CSNK1G3: variants seen among roughly 807,000 people sequenced by gnomAD.
CSNK1G3 encodes casein kinase I isoform gamma-3.
CSNK1G3 carries 23 observed loss-of-function variants against 64.3 expected under a neutral mutation model. That is an observed-to-expected ratio of 0.36 (90% CI 0.26 to 0.51). The LOEUF is 0.51. Ranked by LOEUF, CSNK1G3 falls within the 20% of genes least tolerant of loss-of-function variation. The pLI is 0.96. For synonymous variants in CSNK1G3, 158 were observed against 162.2 expected, an observed-to-expected ratio of 0.97 and a Z score of 0.20; for missense variants, 357 against 510.5, an observed-to-expected ratio of 0.70 and a Z score of 2.90.
chr5:123,593,202 T>TACAC (rs1554081831), intron 10 of CSNK1G3, among the ~76,000 whole-genome samples: 42,768 of 146,546 alleles, frequency 0.29, 6,169 homozygotes, highest in Middle Eastern at 0.31. Context: ...TGTGTATATA[T>TACAC]ACACACACAC....
exon 13 of CSNK1G3, chr5:123,616,323 T>C (rs1432224345): frequency 6.6e-6 from 1 of 152,618 alleles, no homozygotes; most frequent in Non-Finnish European, 1.5e-5. Context: ...TATTTGTAAA[T>C]ACATGCGAAT....
intron 5 of CSNK1G3, among the ~76,000 whole-genome samples, chr5:123,574,600 C>A (rs1398390914): frequency 6.6e-6 from 1 of 151,672 alleles, no homozygotes; most frequent in Admixed American, 6.6e-5. Context: ...GCTAGAGGAT[C>A]ACTTGAGCCC....
chr5:123,603,287 G>A (rs1479294632), intron 10 of CSNK1G3, among the ~76,000 whole-genome samples: 1 of 151,882 alleles, frequency 6.6e-6, no homozygotes, highest in African/African-American at 2.4e-5. Flanking sequence ...TTTCCAAAAA[G>A]TTTAGTGATA....
At chr5:123,588,025 ACT>A (rs748615733) in intron 6 of CSNK1G3, 41 bp from the exon 7 acceptor site, 3 of 1,258,362 alleles carry the variant, frequency 2.4e-6, no homozygotes, top group Non-Finnish European at 2.3e-6. Flanking sequence ...TCCATTCTTA[ACT>A]GTTAGAGAAA....
At chr5:123,558,036 A>T (rs1784953028) in intron 4 of CSNK1G3, among the ~76,000 whole-genome samples, 1 of 152,186 alleles carries the variant, frequency 6.6e-6, no homozygotes, top group African/African-American at 2.4e-5. Context: ...GGACATTTAC[A>T]CACACAGAAA....
At chr5:123,519,556 A>G (rs139119653) in intron 1 of CSNK1G3, among the ~76,000 whole-genome samples, 1 of 152,240 alleles carries the variant, frequency 6.6e-6, no homozygotes, top group Non-Finnish European at 1.5e-5. Flanking sequence ...CTCACCATGA[A>G]GTTGCCCATA....
rs113617199 is a variant in CSNK1G3 at position 123,580,713 on chromosome 5, A to G, written c.673+4750A>G. Among the ~76,000 whole-genome samples, 185 of 152,054 alleles carry G rather than the reference A, an allele frequency of 1.2e-3. 1 individual carries two copies. Among genetic ancestry groups the G allele is most frequent in the Middle Eastern group, 3.4e-3 (1 of 294 alleles). On this transcript the variant is annotated intron_variant, in intron 6 of 12. Coordinates refer to ENST00000345990, the Ensembl canonical transcript of CSNK1G3. ...CCTGAACCTCATAATCTTCCTTTGG[A>G]TGACTATTTTTCCCTTTTATGTCTT... is the stretch of plus-strand genomic sequence containing the variant.
At chr5:123,526,201 C>CTAATT (rs1183699164) in intron 1 of CSNK1G3, among the ~76,000 whole-genome samples, 6 of 151,540 alleles carry the variant, frequency 4.0e-5, no homozygotes, top group East Asian at 3.9e-4. Flanking sequence ...CCATGCCTGA[C>CTAATT]TAATTTAATT....
exon 2 of CSNK1G3, chr5:123,545,829 G>C: frequency 6.2e-7 from 1 of 1,613,006 alleles, no homozygotes; most frequent in Non-Finnish European, 8.5e-7. Flanking sequence ...CAATTTTGGA[G>C]AATTACGATT....
chr5:123,516,175 G>T (rs1482592609), intron 1 of CSNK1G3, among the ~76,000 whole-genome samples: 1 of 152,110 alleles, frequency 6.6e-6, no homozygotes, highest in South Asian at 2.1e-4. Flanking sequence ...TAGTTTTGAG[G>T]TATCTGTCTT....
At chr5:123,520,688 T>C (rs1194701352) in intron 1 of CSNK1G3, among the ~76,000 whole-genome samples, 2 of 152,010 alleles carry the variant, frequency 1.3e-5, no homozygotes, top group East Asian at 3.8e-4. Context: ...CCATATAATA[T>C]CTTTTGGTAC....
At chr5:123,534,211 A>G (rs1780432410) in intron 1 of CSNK1G3, among the ~76,000 whole-genome samples, 1 of 152,092 alleles carries the variant, frequency 6.6e-6, no homozygotes, top group Admixed American at 6.6e-5. Flanking sequence ...ACCCTTAGAA[A>G]TTTCCAAGTC....
intron 6 of CSNK1G3, among the ~76,000 whole-genome samples, chr5:123,586,907 G>A (rs1340159600): frequency 6.6e-6 from 1 of 152,288 alleles, no homozygotes; most frequent in South Asian, 2.1e-4. Flanking sequence ...GCAAGGAGGA[G>A]CAAGTCACAT....
chr5:123,611,989 A>G (rs1014763947), intron 12 of CSNK1G3, among the ~76,000 whole-genome samples: 2 of 152,188 alleles, frequency 1.3e-5, no homozygotes, highest in Non-Finnish European at 2.9e-5. Context: ...TTAAAAATAA[A>G]TTTGACTTAT....
At chr5:123,553,694 A>G (rs758834834) in intron 3 of CSNK1G3, among the ~76,000 whole-genome samples, 6 of 152,220 alleles carry the variant, frequency 3.9e-5, no homozygotes, top group South Asian at 2.1e-4. Flanking sequence ...GAAGTTTTCA[A>G]TGTGCCCAGT....
At chr5:123,574,975 C>T (rs996937863) in intron 5 of CSNK1G3, among the ~76,000 whole-genome samples, 7 of 152,116 alleles carry the variant, frequency 4.6e-5, no homozygotes, top group Non-Finnish European at 1.0e-4. Context: ...GTTAAACAAA[C>T]TAGAATGGCC....
chr5:123,534,241 T>G (rs1780438970), intron 1 of CSNK1G3, among the ~76,000 whole-genome samples: 1 of 152,192 alleles, frequency 6.6e-6, no homozygotes, highest in South Asian at 2.1e-4. Context: ...TATTTTATAA[T>G]TATTAAAATG....
Position 123,573,359 on chromosome 5 carries a change from T to C in CSNK1G3, c.290-34T>C, listed in dbSNP as rs975337137. On this transcript the variant is annotated intron_variant, in intron 4 of 12. Transcript: ENST00000345990. ...AGGAAAACCTTAGTATTTAAGATGA[T>C]GAAATTATTAAATGAGTATTTCTTT... 3 of 1,604,402 alleles carry C rather than the reference T, an allele frequency of 1.9e-6. No homozygotes were observed. The African/African-American group carries it at 4.0e-5, about 21-fold the overall frequency.
intron 6 of CSNK1G3, among the ~76,000 whole-genome samples, chr5:123,584,643 A>T (rs898836134): frequency 2.6e-5 from 4 of 152,128 alleles, no homozygotes; most frequent in Admixed American, 6.5e-5. Flanking sequence ...AACTCTTCCA[A>T]TCCTGGGTTT....
Sources: allele counts gnomAD v4.1 joint callset (sites outside exome capture counted in the v4.1 genomes callset), GRCh38; gene constraint gnomAD v4.1.1; transcripts MANE v1.5; gene names NCBI Gene and HGNC (gene_info 2026-07-23, HGNC 2026-07-21).